LYPD6B: variants seen among roughly 807,000 people sequenced by gnomAD.
LYPD6B encodes the protein LY6/PLAUR domain containing 6B.
LYPD6B carries 17 observed loss-of-function variants against 22.8 expected under a neutral mutation model. The observed-to-expected ratio is 0.75, with a 90% CI of 0.51 to 1.12. The LOEUF is 1.12. Among genes scored for constraint, LYPD6B ranks in the 50% most tolerant of loss-of-function variants. The probability of loss-of-function intolerance (pLI) is 0.00; values close to 1 mark genes in which losing one functional copy is unlikely to be tolerated. For synonymous variants in LYPD6B, 106 were observed against 91.6 expected (o/e 1.16, Z -0.90); for missense variants, 221 against 258.3 (o/e 0.86, Z 0.99).
chr2:149,049,816 G>A (rs1283656038), intron 1 of LYPD6B, among the ~76,000 whole-genome samples: 1 of 152,170 alleles, frequency 6.6e-6, no homozygotes. Context: ...GGCCTTGAAG[G>A]TAAGCATCAG....
At position 149,154,885 on chromosome 2, in the gene LYPD6B, C is replaced by T. The variant is rs774896948; in HGVS notation, c.6-5879C>T. Among the ~76,000 whole-genome samples, 8 of 152,118 alleles carry T rather than the reference C, an allele frequency of 5.3e-5. No homozygotes were observed. In the South Asian group the frequency reaches 6.2e-4, roughly 12 times the overall value. On this transcript the variant is annotated intron_variant, in intron 2 of 6. Coordinates refer to ENST00000409642, the MANE Select transcript of LYPD6B (RefSeq NM_177964.5). ...AAGATAATATGATTCCATATGGACTCGCGAAATACTCACAATCCAATAATT... is the reference window on the plus strand; with the variant it reads ...AAGATAATATGATTCCATATGGACTTGCGAAATACTCACAATCCAATAATT...
At chr2:149,169,675 C>T (rs953341940) in intron 3 of LYPD6B, among the ~76,000 whole-genome samples, 3 of 152,152 alleles carry the variant, frequency 2.0e-5, no homozygotes, top group Admixed American at 6.6e-5. Flanking sequence ...CCTGTTATCA[C>T]CAGAGGCCAG....
intron 1 of LYPD6B, among the ~76,000 whole-genome samples, chr2:149,097,399 G>A (rs1685953945): frequency 6.6e-6 from 1 of 152,128 alleles, no homozygotes; most frequent in Admixed American, 6.5e-5. Flanking sequence ...AGGGAAGTAG[G>A]GTTGCCAGAT....
At chr2:149,144,074 T>G (rs1189240732) in intron 2 of LYPD6B, 1 of 152,244 alleles carries the variant, frequency 6.6e-6, no homozygotes, top group Admixed American at 6.5e-5. Context: ...TTTGACTGTG[T>G]ACTTATCATT....
intron 3 of LYPD6B, 23 bp downstream of exon 3, chr2:149,160,858 C>G: frequency 6.6e-7 from 1 of 1,515,848 alleles, no homozygotes; most frequent in Non-Finnish European, 9.0e-7. Context: ...GCTGTTACAA[C>G]AGCCCTCGGC....
At chr2:149,158,852 A>G (rs1689870888) in intron 2 of LYPD6B, among the ~76,000 whole-genome samples, 1 of 152,208 alleles carries the variant, frequency 6.6e-6, no homozygotes, top group African/African-American at 2.4e-5. Context: ...TGGATTTCCT[A>G]CTAATCAGCA....
intron 2 of LYPD6B, among the ~76,000 whole-genome samples, chr2:149,156,201 G>A (rs1199932526): frequency 1.3e-5 from 2 of 152,186 alleles, no homozygotes; most frequent in Non-Finnish European, 1.5e-5. Flanking sequence ...TGATCAGAGG[G>A]CATGGGGAAG....
At chr2:149,156,644 G>A (rs1324052576) in intron 2 of LYPD6B, among the ~76,000 whole-genome samples, 1 of 151,946 alleles carries the variant, frequency 6.6e-6, no homozygotes, top group African/African-American at 2.4e-5. Flanking sequence ...TTCTTATAAG[G>A]TCACCAGTCA....
chr2:149,056,981 T>C (rs1683830167), intron 1 of LYPD6B, among the ~76,000 whole-genome samples: 1 of 152,150 alleles, frequency 6.6e-6, no homozygotes, highest in Non-Finnish European at 1.5e-5. Flanking sequence ...CTATTTAAAA[T>C]TTGTCAATTC....
chr2:149,193,718 G>A (rs1692636766), intron 3 of LYPD6B, among the ~76,000 whole-genome samples: 1 of 152,002 alleles, frequency 6.6e-6, no homozygotes, highest in East Asian at 1.9e-4. Flanking sequence ...TAAGTGAGAA[G>A]CCTTTTGTCA....
intron 1 of LYPD6B, among the ~76,000 whole-genome samples, chr2:149,097,144 A>G (rs1240422361): frequency 2.0e-5 from 3 of 152,236 alleles, no homozygotes; most frequent in African/African-American, 4.8e-5. Flanking sequence ...CGCTGCTCCC[A>G]TGGCACCATG....
chr2:149,187,527 C>A, intron 3 of LYPD6B: 2 of 1,475,992 alleles, frequency 1.4e-6, no homozygotes, highest in Admixed American at 2.6e-5. Context: ...GTAAGATTCC[C>A]TGCGAGCAGG....
chr2:149,039,656 A>G (rs1184208935), intron 1 of LYPD6B, among the ~76,000 whole-genome samples: 1 of 152,246 alleles, frequency 6.6e-6, no homozygotes, highest in Non-Finnish European at 1.5e-5. Context: ...CATGGAGTAC[A>G]TAGCATACTG....
At chr2:149,115,268 A>AT (rs2105557855) in intron 1 of LYPD6B, among the ~76,000 whole-genome samples, 1 of 152,312 alleles carries the variant, frequency 6.6e-6, no homozygotes, top group African/African-American at 2.4e-5. Context: ...ATTACCACTA[A>AT]TTAGATAAGT....
chr2:149,173,349 C>CTTTTTTTTTTTTTTTTTTTT lies in LYPD6B; in HGVS notation c.77+12515_77+12534dup, dbSNP rs67113716. Among the ~76,000 whole-genome samples, 16 of 58,482 alleles carry CTTTTTTTTTTTTTTTTTTTT rather than the reference C, an allele frequency of 2.7e-4. 3 individuals carry two copies. The highest frequency in any genetic ancestry group is 4.7e-4 in the Admixed American group (2 of 4,232). The allele number at this position is 58,482 out of a possible 152,430, so 38.4% of individuals were successfully genotyped here. The stretch of plus-strand genomic sequence containing the variant: ...AGCTTGATGCTTTAGTCTGTCAGGC[C>CTTTTTTTTTTTTTTTTTTTT]TTTTTTTTTTTTTTTTTTTTGCATC... On this transcript the variant is annotated intron_variant, in intron 3 of 6. Transcript: ENST00000409642.
At chr2:149,175,544 T>A (rs777455364) in intron 3 of LYPD6B, among the ~76,000 whole-genome samples, 5 of 152,062 alleles carry the variant, frequency 3.3e-5, no homozygotes, top group African/African-American at 7.2e-5. Context: ...TTTCTTTTTT[T>A]ATTAACTAAT....
chr2:149,177,113 C>A (rs75235647), intron 3 of LYPD6B, among the ~76,000 whole-genome samples: 1 of 152,146 alleles, frequency 6.6e-6, no homozygotes, highest in Non-Finnish European at 1.5e-5. Flanking sequence ...GAACCAAATG[C>A]GCAGTCTGGG....
chr2:149,062,570 A>C (rs1684138193), intron 1 of LYPD6B, among the ~76,000 whole-genome samples: 1 of 152,202 alleles, frequency 6.6e-6, no homozygotes, highest in African/African-American at 2.4e-5. Flanking sequence ...TTATAAAATC[A>C]AGCCAAATGT....
At chr2:149,098,228 T>G (rs1685995417) in intron 1 of LYPD6B, among the ~76,000 whole-genome samples, 1 of 152,136 alleles carries the variant, frequency 6.6e-6, no homozygotes, top group African/African-American at 2.4e-5. Flanking sequence ...TAAATTTTCT[T>G]AAGTTTCTCT....
Sources: allele counts gnomAD v4.1 joint callset (sites outside exome capture counted in the v4.1 genomes callset), GRCh38; gene constraint gnomAD v4.1.1; transcripts MANE v1.5; gene names NCBI Gene and HGNC (gene_info 2026-07-23, HGNC 2026-07-21).